SQSTM1: variants seen among roughly 807,000 people sequenced by gnomAD.
The protein encoded by SQSTM1 is sequestosome-1.
SQSTM1 carries 36 observed loss-of-function variants against 45.1 expected under a neutral mutation model. The observed-to-expected ratio is 0.80, with a 90% confidence interval of 0.61 to 1.05. The LOEUF (loss-of-function observed/expected upper bound fraction) is 1.05, where lower values mean the gene tolerates loss of function less well. Among genes scored for constraint, SQSTM1 ranks in the 50% least tolerant of loss-of-function variants. SQSTM1 has a pLI of 0.00. For synonymous variants in SQSTM1, 290 were observed against 244.3 expected, an observed-to-expected ratio of 1.19 and a Z score of -1.74; for missense variants, 617 against 607.1, an observed-to-expected ratio of 1.02 and a Z score of -0.17.
At position 179,837,406 on chromosome 5, in the gene SQSTM1, G is replaced by T; in HGVS notation, c.*813G>T. ...CAGTCCCAGATCACACATCATCATC[G>T]AAGTCTTCCCCAGTTATAAAGAGGT... On this transcript the variant is annotated 3_prime_UTR_variant, in exon 8 of 8. Transcript: ENST00000389805. The T allele has an allele frequency of 1.9e-6, 3 of 1,592,700 alleles. No individual in the cohort carries two copies. Among genetic ancestry groups the T allele is most frequent in the African/African-American group, 2.7e-5 (2 of 74,370 alleles).
Position 179,823,088 on chromosome 5 carries a change from C to T in SQSTM1, c.301+35C>T, listed in dbSNP as rs748450077. 8 of 1,586,364 alleles carry T rather than the reference C, an allele frequency of 5.0e-6. No homozygotes were observed. The East Asian group carries it at 1.3e-4, about 27-fold the overall frequency. On this transcript the variant is annotated intron_variant, in intron 2 of 7. Transcript: ENST00000389805. Reference sequence around the variant, plus strand: ...TGCTCTGGGGGCTGCCTGAAGCCAGCTCAGCTTGTACTCAGTTCCCTGCTG... The same window carrying T: ...TGCTCTGGGGGCTGCCTGAAGCCAGTTCAGCTTGTACTCAGTTCCCTGCTG...
At chr5:179,830,115 A>C (rs1248673882) in intron 5 of SQSTM1, among the ~76,000 whole-genome samples, 2 of 94,546 alleles carry the variant, frequency 2.1e-5, no homozygotes, top group Non-Finnish European at 3.9e-5. Flanking sequence ...TCTCAAACAA[A>C]ACAAAACAAA....
At chr5:179,834,481 T>C (rs902784926) in intron 7 of SQSTM1, among the ~76,000 whole-genome samples, 469 of 151,584 alleles carry the variant, frequency 3.1e-3, no homozygotes, top group African/African-American at 4.5e-3. Context: ...GGCAGGGTCA[T>C]AGGACAATAG....
chr5:179,825,748 A>C (rs953491522), intron 5 of SQSTM1, among the ~76,000 whole-genome samples: 12 of 152,266 alleles, frequency 7.9e-5, no homozygotes, highest in South Asian at 6.2e-4. Flanking sequence ...CTGGTGCCTC[A>C]GGTTGCACAG....
At chr5:179,827,004 T>G (rs552041561) in intron 5 of SQSTM1, among the ~76,000 whole-genome samples, 2 of 152,316 alleles carry the variant, frequency 1.3e-5, no homozygotes, top group Admixed American at 1.3e-4. Flanking sequence ...TCTGAGAGAT[T>G]GCCGGTGAAT....
At chr5:179,830,433 C>T (rs758976155) in intron 5 of SQSTM1, among the ~76,000 whole-genome samples, 9 of 152,110 alleles carry the variant, frequency 5.9e-5, no homozygotes, top group Non-Finnish European at 1.3e-4. Flanking sequence ...GTCTCACTGT[C>T]ATCTGGGCTG....
chr5:179,815,493 C>T (rs560830950), upstream of SQSTM1, among the ~76,000 whole-genome samples: 2 of 151,996 alleles, frequency 1.3e-5, no homozygotes, highest in African/African-American at 2.4e-5. Context: ...ATACAATTGA[C>T]GAAAACCACA....
chr5:179,811,664 A>G (rs1487259043), exon 2 of SQSTM1: 1 of 152,196 alleles, frequency 6.6e-6, no homozygotes, highest in East Asian at 1.9e-4. Flanking sequence ...TTGGCGTGCA[A>G]CATGGGGCTT....
intron 5 of SQSTM1, 61 bp downstream of exon 5, chr5:179,825,287 C>T: frequency 7.3e-7 from 1 of 1,368,768 alleles, no homozygotes; most frequent in South Asian, 1.2e-5. Context: ...GTAACTTTCA[C>T]CTGGAATACT....
chr5:179,836,519 C>T lies in SQSTM1; in HGVS notation c.1249C>T (p.Leu417=). 4 of 1,614,224 alleles carry T rather than the reference C, an allele frequency of 2.5e-6. No homozygotes were observed. The highest frequency in any genetic ancestry group is 1.6e-4 in the Middle Eastern group (1 of 6,062). ...TGAAGGCGGCTGGCTCACCAGGCTCCTGCAGACCAAGAACTATGACATCGG... is the reference window on the plus strand; with the variant it reads ...TGAAGGCGGCTGGCTCACCAGGCTCTTGCAGACCAAGAACTATGACATCGG... ...SDEGGWLTRL[L]QTKNYDIGAA... Residue 417 remains leucine, a synonymous_variant, in exon 8 of 8, where the codon CTG becomes TTG. Coordinates refer to ENST00000389805, the MANE Select transcript of SQSTM1 (RefSeq NM_003900.5).
intron 4 of SQSTM1, among the ~76,000 whole-genome samples, chr5:179,824,853 CAAG>C (rs1203114683): frequency 1.3e-5 from 2 of 152,052 alleles, no homozygotes; most frequent in African/African-American, 4.8e-5. Flanking sequence ...CATATTTACT[CAAG>C]GAGGTGATCA....
rs1239262235 is a variant in SQSTM1, at chr5:179,837,910, T to TC, written c.*1319dup. On this transcript the variant is annotated 3_prime_UTR_variant, in exon 8 of 8. Transcript: ENST00000389805. ...CCTGAAAGAGAAGATGGCCATGCCCTCCATGTGTAAGAACAATGCCAGGGC... is the reference window on the plus strand; with the variant it reads ...CCTGAAAGAGAAGATGGCCATGCCCTCCCATGTGTAAGAACAATGCCAGGGC... 1.3e-6 allele frequency: 2 copies of TC among 1,591,698 alleles called. No individual in the cohort carries two copies. Among genetic ancestry groups the TC allele is most frequent in the Non-Finnish European group, 1.7e-6 (2 of 1,173,868 alleles).
chr5:179,820,332 C>T (rs1757725658), upstream of SQSTM1: 2 of 152,458 alleles, frequency 1.3e-5, no homozygotes, highest in South Asian at 4.1e-4. Flanking sequence ...AGGCCAGAGT[C>T]GGGGTCCGTC....
intron 7 of SQSTM1, among the ~76,000 whole-genome samples, chr5:179,834,411 G>GTTTA (rs112557653): frequency 1.3e-4 from 19 of 146,186 alleles, no homozygotes; most frequent in Non-Finnish European, 2.7e-4. Context: ...TCTTATTTTT[G>GTTTA]TTTATTTATT....
chr5:179,824,360 C>T (rs891440445), intron 4 of SQSTM1, 37 bp downstream of exon 4: 4 of 1,613,046 alleles, frequency 2.5e-6, no homozygotes, highest in Admixed American at 3.3e-5. Context: ...TGATTGGTGA[C>T]AGTAGTCAGG....
At chr5:179,823,443 GACAAAAAAAAAAAAAAA>G in intron 2 of SQSTM1, 1 of 53,902 alleles carries the variant, frequency 1.9e-5, no homozygotes. Context: ...CAGCCTAGGC[GACAAAAAAAAAAAAAAA>G]AAAAAAAAAA....
At chr5:179,829,926 T>A (rs1175144399) in intron 5 of SQSTM1, among the ~76,000 whole-genome samples, 1 of 152,024 alleles carries the variant, frequency 6.6e-6, no homozygotes, top group Non-Finnish European at 1.5e-5. Flanking sequence ...GGAGACACCA[T>A]CCCCCACTTC....
chr5:179,822,463 C>G (rs1757817727), intron 1 of SQSTM1: 1 of 251,996 alleles, frequency 4.0e-6, no homozygotes, highest in Non-Finnish European at 8.0e-6. Context: ...AGACTACATA[C>G]AAATACGTGT....
intron 7 of SQSTM1, among the ~76,000 whole-genome samples, chr5:179,834,407 T>TTTTTTTTATTTA (rs147429674): frequency 6.6e-6 from 1 of 151,188 alleles, no homozygotes; most frequent in African/African-American, 2.4e-5. Context: ...TAGTTCTTAT[T>TTTTTTTTATTTA]TTTGTTTATT....
Sources: allele counts gnomAD v4.1 joint callset (sites outside exome capture counted in the v4.1 genomes callset), GRCh38; gene constraint gnomAD v4.1.1; transcripts MANE v1.5; gene names NCBI Gene and HGNC (gene_info 2026-07-23, HGNC 2026-07-21).